The following BST1 variants were observed in gnomAD, a reference collection of about 807,000 sequenced individuals.
BST1 encodes the protein bone marrow stromal cell antigen 1.
BST1 carries 49 observed loss-of-function variants against 40.6 expected under a neutral mutation model. That is an observed-to-expected ratio of 1.21 (90% CI 0.96 to 1.53). The LOEUF (loss-of-function observed/expected upper bound fraction) is 1.53. Among genes scored for constraint, BST1 ranks in the 40% most tolerant of loss-of-function variants. The pLI is 0.00. For synonymous variants in BST1, 157 were observed against 159.3 expected, an observed-to-expected ratio of 0.99 and a Z score of 0.11; for missense variants, 423 against 395.9, an observed-to-expected ratio of 1.07 and a Z score of -0.58.
chr4:15,745,904 A>G, the BST1 span, among the ~76,000 whole-genome samples: 2 of 152,182 alleles, frequency 1.3e-5, no homozygotes, highest in Non-Finnish European at 2.9e-5. Context: ...TTAACATGAT[A>G]TTATCAATAT....
chr4:15,726,145 T>G (rs1260159801), intron 8 of BST1, among the ~76,000 whole-genome samples: 1 of 147,916 alleles, frequency 6.8e-6, no homozygotes, highest in African/African-American at 2.5e-5. Flanking sequence ...AGTTTTTTTT[T>G]TTTTTTTTTT....
intron 8 of BST1, among the ~76,000 whole-genome samples, chr4:15,724,244 G>T (rs16892270): frequency 0.031 from 4,760 of 152,276 alleles, 233 homozygotes; most frequent in African/African-American, 0.1. Context: ...CATTACAGTT[G>T]CACATAGTAG....
the BST1 span, among the ~76,000 whole-genome samples, chr4:15,769,663 T>C: frequency 6.6e-6 from 1 of 151,936 alleles, no homozygotes; most frequent in Non-Finnish European, 1.5e-5. Context: ...AGAATTTCTC[T>C]CTCTCTATAT....
At chr4:15,739,870 AAGGG>A (rs761255208), downstream of BST1, among the ~76,000 whole-genome samples, 2 of 151,732 alleles carry the variant, frequency 1.3e-5, no homozygotes, top group Non-Finnish European at 2.9e-5. Flanking sequence ...GGGAAGGAGA[AAGGG>A]AGGGAGGGAA....
chr4:15,754,423 T>C, the BST1 span, among the ~76,000 whole-genome samples: 63 of 152,274 alleles, frequency 4.1e-4, no homozygotes, highest in African/African-American at 1.5e-3. Context: ...ATGTCTAAGA[T>C]TGTCTCCTCT....
At chr4:15,736,217 A>T, downstream of BST1, 1 of 988,404 alleles carries the variant, frequency 1.0e-6, no homozygotes, top group Non-Finnish European at 1.4e-6. Context: ...AACTTCCACA[A>T]TGCTGCCAGA....
the BST1 span, among the ~76,000 whole-genome samples, chr4:15,757,774 T>C: frequency 6.6e-6 from 1 of 151,944 alleles, no homozygotes; most frequent in African/African-American, 2.4e-5. Context: ...CCCAAGTAAC[T>C]TGGACTACAG....
downstream of BST1, among the ~76,000 whole-genome samples, chr4:15,734,346 T>C (rs1187022993): frequency 6.6e-6 from 1 of 152,224 alleles, no homozygotes; most frequent in East Asian, 1.9e-4. Context: ...TTTTATTTTA[T>C]GTAAACCAAA....
chr4:15,709,528 C>CAAGCTTTTGTT (rs1302941474), intron 3 of BST1, among the ~76,000 whole-genome samples: 1 of 152,100 alleles, frequency 6.6e-6, no homozygotes, highest in Non-Finnish European at 1.5e-5. Flanking sequence ...TTTGATGATG[C>CAAGCTTTTGTT]TGCAGAGGGT....
At chr4:15,739,955 G>A (rs1721702138), downstream of BST1, among the ~76,000 whole-genome samples, 1 of 151,968 alleles carries the variant, frequency 6.6e-6, no homozygotes, top group South Asian at 2.1e-4. Context: ...GAAACAGAGA[G>A]AGACAGAGAA....
downstream of BST1, among the ~76,000 whole-genome samples, chr4:15,733,041 G>C (rs778036434): frequency 6.6e-6 from 1 of 152,180 alleles, no homozygotes; most frequent in Non-Finnish European, 1.5e-5. Context: ...GACCCAAAGA[G>C]TGAGCAGCAG....
At chr4:15,703,777 G>A (rs528475138) in intron 1 of BST1, among the ~76,000 whole-genome samples, 98 of 141,128 alleles carry the variant, frequency 6.9e-4, no homozygotes, top group Non-Finnish European at 1.3e-3. Context: ...CTAAAGGTGA[G>A]ATGTGTGTGT....
At chr4:15,716,732 G>T (rs1208770243) in intron 6 of BST1, among the ~76,000 whole-genome samples, 1 of 152,126 alleles carries the variant, frequency 6.6e-6, no homozygotes, top group African/African-American at 2.4e-5. Flanking sequence ...CATGAAAAAC[G>T]TGTATCGTTG....
At chr4:15,730,023 T>G (rs755396811) in intron 8 of BST1, among the ~76,000 whole-genome samples, 84 of 152,366 alleles carry the variant, frequency 5.5e-4, no homozygotes, top group Non-Finnish European at 9.4e-4. Context: ...AGTTAATTAT[T>G]TGAAAGCAAA....
At chr4:15,754,157 TG>T in the BST1 span, among the ~76,000 whole-genome samples, 1 of 152,150 alleles carries the variant, frequency 6.6e-6, no homozygotes, top group Admixed American at 6.6e-5. Flanking sequence ...GATGGAGGCC[TG>T]TGGGACTGTG....
At chr4:15,723,302 A>G (rs1264577719) in intron 8 of BST1, 1 of 172,232 alleles carries the variant, frequency 5.8e-6, no homozygotes, top group African/African-American at 2.4e-5. Flanking sequence ...GCTGGAGTGC[A>G]GTGGCGCAAT....
exon 7 of BST1, chr4:15,738,096 C>T (rs1721634170): frequency 4.3e-6 from 1 of 234,414 alleles, no homozygotes; most frequent in South Asian, 5.3e-5. Flanking sequence ...GGTGAACCCT[C>T]AGGTAAACTA....
At chr4:15,728,265 T>A (rs1201340679) in intron 8 of BST1, among the ~76,000 whole-genome samples, 1 of 152,074 alleles carries the variant, frequency 6.6e-6, no homozygotes, top group Non-Finnish European at 1.5e-5. Context: ...TCAAATGAAA[T>A]AAACAACTGT....
Position 15,731,913 on chromosome 4 carries a change from C to T in BST1, c.*68C>T. The T allele has an allele frequency of 6.6e-7, 1 of 1,510,698 alleles. No individual in the cohort carries two copies. Among genetic ancestry groups the T allele is most frequent in the East Asian group, 2.4e-5 (1 of 42,272 alleles). 93.6% of individuals were successfully genotyped at this position (1,510,698 alleles called of 1,614,324 possible). On this transcript the variant is annotated 3_prime_UTR_variant, in exon 9 of 9. Transcript: ENST00000265016. The stretch of plus-strand genomic sequence containing the variant: ...TCCCCTTGCAGTCATCATTCGTGTT[C>T]TGTGTATACCAAATGATTCTGTTAT...
Sources: gnomAD v4.1 joint callset for allele counts (sites outside exome capture counted in the v4.1 genomes callset) on GRCh38, gnomAD v4.1.1 for gene constraint, MANE v1.5 for transcripts, NCBI Gene and HGNC (gene_info 2026-07-23, HGNC 2026-07-21) for gene names.